The following CHST9 variants were observed in gnomAD, a reference collection of about 807,000 sequenced individuals.
The protein encoded by CHST9 is carbohydrate sulfotransferase 9.
Under a neutral mutation model 44.4 loss-of-function variants are expected in CHST9, and 41 were observed. The observed-to-expected ratio is 0.92, with a 90% CI of 0.72 to 1.20. CHST9 has a LOEUF of 1.20. Among genes scored for constraint, CHST9 ranks in the 50% most tolerant of loss-of-function variants. The pLI, the probability that CHST9 is intolerant of heterozygous loss-of-function variation, is 0.00. For synonymous variants in CHST9, 171 were observed against 178.4 expected (o/e 0.96, Z 0.33); for missense variants, 504 against 516.5 (o/e 0.98, Z 0.23).
intron 1 of CHST9, among the ~76,000 whole-genome samples, chr18:27,178,421 A>C (rs189545958): frequency 2.0e-5 from 3 of 152,162 alleles, no homozygotes; most frequent in African/African-American, 7.2e-5. Flanking sequence ...ATCTAAGAAA[A>C]AATATCTCAC....
At chr18:26,994,388 CAG>C (rs978620022) in intron 4 of CHST9, among the ~76,000 whole-genome samples, 1 of 152,046 alleles carries the variant, frequency 6.6e-6, no homozygotes, top group African/African-American at 2.4e-5. Flanking sequence ...GTGTGTGTGA[CAG>C]AGAGAAAGAC....
intron 4 of CHST9, among the ~76,000 whole-genome samples, chr18:26,959,549 C>T (rs1361392407): frequency 6.6e-6 from 1 of 152,146 alleles, no homozygotes; most frequent in Non-Finnish European, 1.5e-5. Context: ...ATGGAAGAGA[C>T]AGCGTTTGAT....
intron 2 of CHST9, among the ~76,000 whole-genome samples, chr18:27,050,381 A>G (rs2057551546): frequency 6.6e-6 from 1 of 152,168 alleles, no homozygotes; most frequent in Non-Finnish European, 1.5e-5. Flanking sequence ...GGGATAAGTG[A>G]AGACCATCCT....
intron 4 of CHST9, among the ~76,000 whole-genome samples, chr18:26,956,652 C>A (rs542143466): frequency 6.6e-6 from 1 of 151,816 alleles, no homozygotes; most frequent in South Asian, 2.1e-4. Flanking sequence ...TCCCACTTAA[C>A]GAAAACTTAA....
chr18:26,959,447 C>T (rs1281554003), intron 4 of CHST9, among the ~76,000 whole-genome samples: 1 of 152,152 alleles, frequency 6.6e-6, no homozygotes, highest in African/African-American at 2.4e-5. Flanking sequence ...CAAACCTGCA[C>T]ATGTATCCCC....
chr18:26,941,538 A>G (rs1239971978), intron 5 of CHST9, among the ~76,000 whole-genome samples: 2 of 152,040 alleles, frequency 1.3e-5, no homozygotes, highest in African/African-American at 4.8e-5. Flanking sequence ...ATCTAGTATC[A>G]TAAAAATTAT....
chr18:27,152,110 C>T (rs1187148264), intron 1 of CHST9, among the ~76,000 whole-genome samples: 1 of 152,162 alleles, frequency 6.6e-6, no homozygotes, highest in African/African-American at 2.4e-5. Flanking sequence ...ATACAGAACA[C>T]AGAAATATAT....
intron 3 of CHST9, among the ~76,000 whole-genome samples, chr18:27,038,184 A>T (rs1228463885): frequency 6.6e-6 from 1 of 152,188 alleles, no homozygotes; most frequent in Non-Finnish European, 1.5e-5. Context: ...AGAAAAGTAA[A>T]TTTTAAAAAT....
chr18:26,962,869 G>A (rs1256334960), intron 4 of CHST9, among the ~76,000 whole-genome samples: 1 of 152,152 alleles, frequency 6.6e-6, no homozygotes. Context: ...GATGGTAGAT[G>A]GTGTGTTTAT....
chr18:27,016,927 G>A (rs1018332916), intron 4 of CHST9, among the ~76,000 whole-genome samples: 14 of 152,120 alleles, frequency 9.2e-5, no homozygotes, highest in African/African-American at 3.1e-4. Context: ...TGAGGATAAA[G>A]AACAGAAATC....
rs2057785930 is a variant in CHST9 at position 27,066,690 on chromosome 18, C to A, written c.122-18187G>T. The stretch of plus-strand genomic sequence containing the variant: ...TTAATTATTTAATTAAGTGCCTTAA[C>A]TAGTTGGTGATATTTTAGCATTTAT... On this transcript the variant is annotated intron_variant, in intron 2 of 5. Transcript: ENST00000618847. Among the ~76,000 whole-genome samples, 3 of 152,178 alleles carry A rather than the reference C, an allele frequency of 2.0e-5. No homozygotes were observed. The South Asian group carries it at 6.2e-4, about 31-fold the overall frequency.
chr18:27,071,303 GT>G (rs1255033487), intron 2 of CHST9, among the ~76,000 whole-genome samples: 1 of 152,180 alleles, frequency 6.6e-6, no homozygotes, highest in Non-Finnish European at 1.5e-5. Context: ...CAGGGCACAA[GT>G]TTAATCCACC....
chr18:27,174,609 C>T (rs2058854778), intron 1 of CHST9, among the ~76,000 whole-genome samples: 1 of 151,860 alleles, frequency 6.6e-6, no homozygotes. Context: ...AACCATTCAC[C>T]CAATGGCAGA....
At chr18:27,105,728 T>A (rs1003161780) in intron 2 of CHST9, among the ~76,000 whole-genome samples, 1 of 152,194 alleles carries the variant, frequency 6.6e-6, no homozygotes, top group African/African-American at 2.4e-5. Flanking sequence ...TGTGTGATTG[T>A]GATTACACAT....
At chr18:27,155,265 A>G (rs1386355178) in intron 1 of CHST9, among the ~76,000 whole-genome samples, 1 of 152,208 alleles carries the variant, frequency 6.6e-6, no homozygotes, top group East Asian at 1.9e-4. Flanking sequence ...GTATCTTTAT[A>G]TTCCAGATGC....
At chr18:26,955,901 G>A (rs937002453) in intron 4 of CHST9, among the ~76,000 whole-genome samples, 5 of 152,086 alleles carry the variant, frequency 3.3e-5, no homozygotes, top group African/African-American at 9.7e-5. Context: ...GGATCAGGGG[G>A]ACTCAGGAGC....
intron 4 of CHST9, among the ~76,000 whole-genome samples, chr18:26,958,799 A>G (rs1432343587): frequency 2.0e-5 from 3 of 152,240 alleles, no homozygotes; most frequent in African/African-American, 7.2e-5. Flanking sequence ...TAGAATGGCT[A>G]TTACTAAAAG....
At chr18:27,147,789 A>G (rs1008792024) in intron 1 of CHST9, 4 of 151,394 alleles carry the variant, frequency 2.6e-5, no homozygotes, top group African/African-American at 4.9e-5. Flanking sequence ...GTAAACCCCT[A>G]CAGTGATCAC....
intron 4 of CHST9, among the ~76,000 whole-genome samples, chr18:26,965,054 T>C (rs1419110652): frequency 1.3e-5 from 2 of 152,232 alleles, no homozygotes; most frequent in Non-Finnish European, 2.9e-5. Flanking sequence ...TTATTTGTAG[T>C]TGTCCAAAGT....
Sources: gnomAD v4.1 joint callset for allele counts (sites outside exome capture counted in the v4.1 genomes callset) on GRCh38, gnomAD v4.1.1 for gene constraint, MANE v1.5 for transcripts, NCBI Gene and HGNC (gene_info 2026-07-23, HGNC 2026-07-21) for gene names.